The following NR1D1 variants were observed in gnomAD, a reference collection of about 807,000 sequenced individuals.
The protein encoded by NR1D1 is Rev-ErbAalpha.
Under a neutral mutation model 51.1 loss-of-function variants are expected in NR1D1, and 17 were observed. The ratio of observed to expected loss-of-function variants is 0.33; its 90% CI spans 0.23 to 0.50. The LOEUF is 0.50. NR1D1 is among the 20% of genes least tolerant of loss of function. The pLI, the probability that NR1D1 is intolerant of heterozygous loss-of-function variation, is 0.98. For synonymous variants in NR1D1, 341 were observed against 333.4 expected (o/e 1.02, Z -0.25); for missense variants, 647 against 830.4 (o/e 0.78, Z 2.71).
At position 40,096,105 on chromosome 17, in the gene NR1D1, C is replaced by A; in HGVS notation, c.605-18G>T. 1.2e-6 allele frequency: 2 copies of A among 1,609,126 alleles called. No homozygotes were observed. The highest frequency in any genetic ancestry group is 1.7e-6 in the Non-Finnish European group (2 of 1,178,018). ...ACGCACAGCTGCAACAGGATGAGAA[C>A]AGCATCAGGAAGTTCTCAACCATGC... On this transcript the variant is annotated intron_variant, in intron 4 of 7. Transcript: ENST00000246672.
At position 40,093,965 on chromosome 17, in the gene NR1D1, G is replaced by C; in HGVS notation, c.1592C>G (p.Ala531Gly). 1 of 1,613,986 alleles carries C rather than the reference G, an allele frequency of 6.2e-7. No individual in the cohort carries two copies. The highest frequency in any genetic ancestry group is 8.5e-7 in the Non-Finnish European group (1 of 1,180,026). The stretch of plus-strand genomic sequence containing the variant: ...GAGGCCCAGCTCCTCCTCGGTAAGC[G>C]CCAGGGAGTTGAGCTTCTCGCTGAA... ...FDFSEKLNSL[A>G]LTEEELGLFT... is the part of the protein sequence containing the mutation. Residue 531 changes from alanine to glycine, a missense_variant, in exon 7 of 8, where the codon GCG becomes GGG. This residue lies in a region of NR1D1 where 155 missense variants were observed against 236.8 expected (regional missense o/e 0.65). Transcript: ENST00000246672. This position sits in a 1 kb window ranked among gnomAD's most constrained non-coding sequence, Gnocchi z 5.9.
At position 40,094,971 on chromosome 17, in the gene NR1D1, A is replaced by C; in HGVS notation, c.1398T>G (p.His466Gln). 1 of 1,614,162 alleles carries C rather than the reference A, an allele frequency of 6.2e-7. No homozygotes were observed. The highest frequency in any genetic ancestry group is 8.5e-7 in the Non-Finnish European group (1 of 1,180,036). Residue 466 changes from histidine to glutamine, a missense_variant, in exon 6 of 8, where the codon CAT (histidine) becomes CAG (glutamine). By Grantham distance (24) the His-to-Gln change is conservative (BLOSUM62 0). Coordinates refer to ENST00000246672, the MANE Select transcript of NR1D1 (RefSeq NM_021724.5). ...HIPGFRDLSQHDQVTLLKAGT... is the reference protein window; with the variant it reads ...HIPGFRDLSQQDQVTLLKAGT... ...CAGCCTTAAGCAGGGTGACTTGGTC[A>C]TGCTGAGAAAGGTCACGGAAGCCCG...
In NR1D1 at chr17:40,095,980, C is replaced by T. The variant is rs1351109459; in HGVS notation, c.712G>A (p.Glu238Lys). 6.2e-7 allele frequency: 1 copy of T among 1,612,470 alleles called. No homozygotes were observed. Among genetic ancestry groups the T allele is most frequent in the Non-Finnish European group, 8.5e-7 (1 of 1,179,976 alleles). The change falls in exon 5 of 8, where the codon GAG becomes AAG. Residue 238 changes from glutamate (E) to lysine (K), a missense_variant. Glu to Lys is a moderately conservative substitution (Grantham distance 56, BLOSUM62 1). Around this residue, in one of 7 missense-constraint regions of NR1D1, gnomAD observed 48 missense variants for 42.9 expected, o/e 1.12. Coordinates refer to ENST00000246672, the MANE Select transcript of NR1D1 (RefSeq NM_021724.5). ...GTGGGGTGCTGGGTGGGTGAAGTCT[C>T]CAGCGGGCACTGGCTGCTCAACTGG... is the stretch of plus-strand genomic sequence containing the variant. The part of the protein sequence containing the change: ...NNQLSSQCPL[E>K]TSPTQHPTPG...
In NR1D1 at chr17:40,095,339, AT is replaced by A. The variant is rs573368827; in HGVS notation, c.1248+104del. 385 of 1,378,634 alleles carry A rather than the reference AT, an allele frequency of 2.8e-4. 3 individuals are homozygous for A. The highest frequency in any genetic ancestry group is 1.7e-3 in the African/African-American group (116 of 68,742). 85.4% of individuals were successfully genotyped at this position (1,378,634 alleles called of 1,614,324 possible). A position where few individuals can be genotyped will look rare whatever the true frequency, so the allele number is the denominator to read the frequency against. ...AGACATTTTCTCCTGGGAAGATGCT[AT>A]CCCCACACTCAGCCTCCAGGAACCC... On this transcript the variant is annotated intron_variant, in intron 5 of 7. Transcript: ENST00000246672.
chr17:40,096,199 A>G, intron 4 of NR1D1, 112 bp from the exon 5 acceptor site: 6 of 1,456,974 alleles, frequency 4.1e-6, no homozygotes, highest in Non-Finnish European at 5.5e-6. Context: ...TTCACATCAA[A>G]ACTAAAACCA....
intron 1 of NR1D1, among the ~76,000 whole-genome samples, chr17:40,099,348 CG>C (rs767595627): frequency 1.3e-5 from 2 of 151,936 alleles, no homozygotes; most frequent in African/African-American, 2.4e-5. Context: ...CCGGGGCGAC[CG>C]GGGGGGCGGA....
chr17:40,096,384 G>C lies in NR1D1; in HGVS notation c.604+59C>G, dbSNP rs1041474878. On this transcript the variant is annotated intron_variant, in intron 4 of 7. Transcript: ENST00000246672. ...CCATTTGTGACTTTTTTAAAGGGAA[G>C]GATTAATTCAGAAACTTTGGGCGGA... 20 of 1,609,612 alleles carry C rather than the reference G, an allele frequency of 1.2e-5. No homozygotes were observed. In the African/African-American group the frequency reaches 2.5e-4, roughly 20 times the overall value.
In NR1D1 at chr17:40,100,275, G is replaced by A. The variant is rs1567661817; in HGVS notation, c.-181C>T. On this transcript the variant is annotated 5_prime_UTR_variant, in exon 1 of 8. Coordinates refer to ENST00000246672, the MANE Select transcript of NR1D1 (RefSeq NM_021724.5). ...GTGGCCGGACTGCAGCCCTGCAGAA[G>A]GGTTGGACGTTGAGGCAACGGAGTT... The A allele has an allele frequency of 6.2e-6, 4 of 641,488 alleles. No homozygotes were observed. The highest frequency in any genetic ancestry group is 4.2e-4 in the Middle Eastern group (1 of 2,396). 39.7% of individuals were successfully genotyped at this position (641,488 alleles called of 1,614,324 possible).
chr17:40,099,462 A>G, intron 1 of NR1D1, among the ~76,000 whole-genome samples: 1 of 152,210 alleles, frequency 6.6e-6, no homozygotes, highest in East Asian at 1.9e-4. Context: ...CTCTAGAGCC[A>G]TGTGAGCCCT....
intron 1 of NR1D1, among the ~76,000 whole-genome samples, chr17:40,097,776 C>T (rs915910214): frequency 6.6e-6 from 1 of 152,124 alleles, no homozygotes; most frequent in South Asian, 2.1e-4. Context: ...TTCAAAGTGC[C>T]CAGTCCTCCA....
intron 6 of NR1D1, among the ~76,000 whole-genome samples, chr17:40,094,359 A>G (rs1224171783): frequency 6.6e-6 from 1 of 152,186 alleles, no homozygotes; most frequent in African/African-American, 2.4e-5. Flanking sequence ...CATTCACCAA[A>G]GTTAATCTGC....
At position 40,095,557 on chromosome 17, in the gene NR1D1, G is replaced by A. The variant is rs916066611; in HGVS notation, c.1135C>T (p.His379Tyr). The A allele has an allele frequency of 1.2e-6, 2 of 1,608,138 alleles. No individual in the cohort carries two copies. The highest frequency in any genetic ancestry group is 1.7e-6 in the Non-Finnish European group (2 of 1,176,654). Residue 379 changes from histidine to tyrosine, a missense_variant, in exon 5 of 8, where the codon CAC becomes TAC. By Grantham distance (83) the His-to-Tyr change is moderately conservative (BLOSUM62 2). Around this residue, in one of 7 missense-constraint regions of NR1D1, gnomAD observed 185 missense variants for 176.3 expected, o/e 1.05. Transcript: ENST00000246672. ...CGGTGCCCGTTGCTGTTGGACTGGTGGCAGCTGTGGTGTGCAGGGCCAGGA... is the reference window on the plus strand; with the variant it reads ...CGGTGCCCGTTGCTGTTGGACTGGTAGCAGCTGTGGTGTGCAGGGCCAGGA... ...WPPGPAHHSC[H>Y]QSNSNGHRLC...
chr17:40,096,094 C>T lies in NR1D1; in HGVS notation c.605-7G>A, dbSNP rs1987756690. 6 of 1,611,310 alleles carry T rather than the reference C, an allele frequency of 3.7e-6. No individual in the cohort carries two copies. The highest frequency in any genetic ancestry group is 2.7e-5 in the African/African-American group (2 of 75,040). On this transcript the variant is annotated splice_polypyrimidine_tract_variant and splice_region_variant and intron_variant, in intron 4 of 7. Transcript: ENST00000246672. ...ATGCGCCCAAAACGCACAGCTGCAA[C>T]AGGATGAGAACAGCATCAGGAAGTT...
At chr17:40,097,665 G>A (rs1458003832) in intron 1 of NR1D1, among the ~76,000 whole-genome samples, 1 of 152,186 alleles carries the variant, frequency 6.6e-6, no homozygotes, top group Non-Finnish European at 1.5e-5. Flanking sequence ...TCTCGCATAT[G>A]TGCCCCCCTT....
rs1987670695 is a variant in NR1D1 at position 40,093,500 on chromosome 17, C to T, written c.1646-218G>A. 4 of 1,430,846 alleles carry T rather than the reference C, an allele frequency of 2.8e-6. No individual in the cohort carries two copies. In the East Asian group the frequency reaches 1.0e-4, roughly 36 times the overall value. 88.6% of individuals were successfully genotyped at this position (1,430,846 alleles called of 1,614,324 possible). A position where few individuals can be genotyped will look rare whatever the true frequency, so the allele number is the denominator to read the frequency against. The stretch of plus-strand genomic sequence containing the variant: ...GCGTGGGCTCAGCAGGGCTGGTCAC[C>T]TCCCATCCCGTAAGACCACCTTCCC... On this transcript the variant is annotated intron_variant, in intron 7 of 7. Coordinates refer to ENST00000246672, the MANE Select transcript of NR1D1 (RefSeq NM_021724.5). The surrounding 1 kb of genome is among the most constrained non-coding windows in gnomAD (Gnocchi z 5.9).
chr17:40,096,864 G>A lies in NR1D1; in HGVS notation c.371-85C>T, dbSNP rs542435122. 19 of 1,428,138 alleles carry A rather than the reference G, an allele frequency of 1.3e-5. No individual in the cohort carries two copies. In the Admixed American group the frequency reaches 3.1e-4, roughly 23 times the overall value. 88.5% of individuals were successfully genotyped at this position (1,428,138 alleles called of 1,614,324 possible). A position where few individuals can be genotyped will look rare whatever the true frequency, so the allele number is the denominator to read the frequency against. The stretch of plus-strand genomic sequence containing the variant: ...GGAGGCTTTCTGGGCCGGAGATCCA[G>A]GGAGGGAAAAGCTAAGGAGGAACTC... On this transcript the variant is annotated intron_variant, in intron 2 of 7. Coordinates refer to ENST00000246672, the MANE Select transcript of NR1D1 (RefSeq NM_021724.5).
Position 40,094,083 on chromosome 17 carries a change from C to T in NR1D1, c.1474G>A (p.Asp492Asn). 1 of 1,613,978 alleles carries T rather than the reference C, an allele frequency of 6.2e-7. No individual in the cohort carries two copies. Among genetic ancestry groups the T allele is most frequent in the Non-Finnish European group, 8.5e-7 (1 of 1,180,036 alleles). The stretch of plus-strand genomic sequence containing the variant: ...CGGCTTAGGAACATCACTGTCTGGT[C>T]CTTCACGTTGAACAACGAAGCAAAG... ...VRFASLFNVKDQTVMFLSRTT... is the reference protein window; with the variant it reads ...VRFASLFNVKNQTVMFLSRTT... Residue 492 changes from aspartate (D) to asparagine (N), a missense_variant, in exon 7 of 8, where the codon GAC (aspartate) becomes AAC (asparagine). Asp to Asn is a conservative substitution (Grantham distance 23). This residue lies in a region of NR1D1 where 155 missense variants were observed against 236.8 expected (regional missense o/e 0.65). Coordinates refer to ENST00000246672, the MANE Select transcript of NR1D1 (RefSeq NM_021724.5).
chr17:40,099,479 G>A (rs987898034), intron 1 of NR1D1, among the ~76,000 whole-genome samples: 15 of 152,062 alleles, frequency 9.9e-5, no homozygotes, highest in African/African-American at 3.4e-4. Context: ...CCCTCCCGGC[G>A]GCCGGAGCCC....
Position 40,097,246 on chromosome 17 carries a change from G to C in NR1D1, c.189C>G (p.Asp63Glu). The change falls in exon 2 of 8, where the codon GAC (aspartate) becomes GAG (glutamate). Residue 63 changes from aspartate (D) to glutamate (E), a missense_variant. This residue lies in a region of NR1D1 where 98 missense variants were observed against 94.7 expected (regional missense o/e 1.03). Transcript: ENST00000246672. ...PPSPTGSLTQ[D>E]PARSFGSIPP... is the part of the protein sequence containing the mutation. ...GAATGCTCCCAAAGGAGCGAGCCGGGTCTTGGGTGAGGGAGCCAGTGGGGG... is the reference window on the plus strand; with the variant it reads ...GAATGCTCCCAAAGGAGCGAGCCGGCTCTTGGGTGAGGGAGCCAGTGGGGG... 2 of 1,612,582 alleles carry C rather than the reference G, an allele frequency of 1.2e-6. No individual in the cohort carries two copies. The highest frequency in any genetic ancestry group is 1.7e-6 in the Non-Finnish European group (2 of 1,178,812).
Sources: gnomAD v4.1 joint callset for allele counts (sites outside exome capture counted in the v4.1 genomes callset) on GRCh38, gnomAD v4.1.1 for gene constraint, gnomAD v4.1.1 regional missense constraint, Gnocchi (gnomAD v3.1) non-coding constraint, MANE v1.5 for transcripts, NCBI Gene and HGNC (gene_info 2026-07-23, HGNC 2026-07-21) for gene names.